EFR3A: variants seen among roughly 807,000 people sequenced by gnomAD.
The protein encoded by EFR3A is EFR3 homolog A, also known as protein EFR3 homolog A.
A neutral mutation model predicts 104.4 loss-of-function variants in EFR3A; 76 were observed. The observed-to-expected ratio is 0.73, with a 90% CI of 0.60 to 0.88. EFR3A has a LOEUF of 0.88. EFR3A is among the 40% of genes least tolerant of loss of function. The pLI is 0.00. For synonymous variants in EFR3A, 330 were observed against 330.0 expected (o/e 1.00, Z 0.00); for missense variants, 985 against 1,012.5 (o/e 0.97, Z 0.37).
chr8:131,928,272 CCTGTTAGAAGAAATCT>C (rs1817404348), intron 1 of EFR3A, among the ~76,000 whole-genome samples: 1 of 152,012 alleles, frequency 6.6e-6, no homozygotes, highest in South Asian at 2.1e-4. Flanking sequence ...AATTCTTGAT[CCTGTTAGAAGAAATCT>C]CTGCTTTTCT....
In EFR3A at chr8:132,013,175, A is replaced by G. The variant is rs1389263034; in HGVS notation, c.*2280A>G. 6.6e-6 allele frequency: 1 copy of G among 152,276 alleles called. No homozygotes were observed. The highest frequency in any genetic ancestry group is 1.5e-5 in the Non-Finnish European group (1 of 68,034). The allele number at this position is 152,276 out of a possible 1,614,324, so 9.4% of individuals were successfully genotyped here. On this transcript the variant is annotated 3_prime_UTR_variant, in exon 23 of 23. Coordinates refer to ENST00000254624, the MANE Select transcript of EFR3A (RefSeq NM_015137.6). ...ATATTTTTGTAGATAAATAAAACTC[A>G]ATAAATTGTTAATCATTCTCTTTTT... is the stretch of plus-strand genomic sequence containing the variant.
intron 1 of EFR3A, among the ~76,000 whole-genome samples, chr8:131,914,489 G>A (rs566473871): frequency 7.2e-5 from 11 of 152,298 alleles, no homozygotes; most frequent in Non-Finnish European, 1.3e-4. Flanking sequence ...CAATCAGTGA[G>A]GGTGGCCCAA....
At chr8:132,005,158 A>C (rs992714797) in intron 22 of EFR3A, among the ~76,000 whole-genome samples, 1 of 152,196 alleles carries the variant, frequency 6.6e-6, no homozygotes, top group African/African-American at 2.4e-5. Flanking sequence ...ACAGACATAC[A>C]TGGAAGTTAG....
chr8:131,959,261 A>C (rs1819182953), intron 7 of EFR3A, among the ~76,000 whole-genome samples: 1 of 152,104 alleles, frequency 6.6e-6, no homozygotes, highest in Admixed American at 6.6e-5. Context: ...TCCTTCATTC[A>C]CCCTCTTTCA....
rs200821953 is a variant in EFR3A at position 132,010,405 on chromosome 8, G to GATATATATATAT, written c.2361-384_2361-383insTATATATATATA. Among the ~76,000 whole-genome samples the GATATATATATAT allele has an allele frequency of 1.3e-3, 116 of 87,990 alleles. 5 individuals are homozygous for GATATATATATAT. Among genetic ancestry groups the GATATATATATAT allele is most frequent in the Middle Eastern group, 6.8e-3 (1 of 148 alleles). The allele number at this position is 87,990 out of a possible 152,430, so 57.7% of individuals were successfully genotyped here. A position where few individuals can be genotyped will look rare whatever the true frequency, so the allele number is the denominator to read the frequency against. On this transcript the variant is annotated intron_variant, in intron 22 of 22. Coordinates refer to ENST00000254624, the MANE Select transcript of EFR3A (RefSeq NM_015137.6). ...TTGTTCTCTGGATTAAATCAAGTAT[G>GATATATATATAT]AGATATATATATATATATATATATA...
rs1177455529 is a variant in EFR3A, at chr8:131,946,608, AG to A, written c.342del (p.Lys114AsnfsTer95). ...AAGCTGCTGGAATCGGGGGAACCAA[AG>A]CTTCAAGTTCTTGGAACAAATTCTG... is the stretch of plus-strand genomic sequence containing the variant. ...VAKLLESGEP[K>X]LQVLGTNSFV... On this transcript the variant is annotated frameshift_variant, in exon 4 of 23. Coordinates refer to ENST00000254624, the MANE Select transcript of EFR3A (RefSeq NM_015137.6). LOFTEE classifies it high-confidence loss of function. The A allele has an allele frequency of 6.2e-7, 1 of 1,603,662 alleles. No individual in the cohort carries two copies. Among genetic ancestry groups the A allele is most frequent in the Non-Finnish European group, 8.5e-7 (1 of 1,175,446 alleles).
At chr8:131,964,879 T>C (rs1004623829) in intron 8 of EFR3A, among the ~76,000 whole-genome samples, 1 of 144,846 alleles carries the variant, frequency 6.9e-6, no homozygotes, top group Non-Finnish European at 1.5e-5. Flanking sequence ...TATAGACCAA[T>C]GGAACAGAAC....
chr8:131,988,239 A>G (rs1312371470), intron 18 of EFR3A, among the ~76,000 whole-genome samples: 1 of 151,984 alleles, frequency 6.6e-6, no homozygotes, highest in Admixed American at 6.6e-5. Context: ...AAAATTGCAT[A>G]GTGTCTTGTA....
At chr8:131,966,423 A>G (rs1040412606) in intron 8 of EFR3A, among the ~76,000 whole-genome samples, 2 of 152,152 alleles carry the variant, frequency 1.3e-5, no homozygotes, top group South Asian at 2.1e-4. Flanking sequence ...TTTTGTCGTC[A>G]TTATTGTTAT....
At chr8:131,919,497 G>T (rs1416168405) in intron 1 of EFR3A, among the ~76,000 whole-genome samples, 1 of 151,308 alleles carries the variant, frequency 6.6e-6, no homozygotes, top group Non-Finnish European at 1.5e-5. Context: ...TCAGGAGGCT[G>T]AGGCAGGAGA....
At chr8:131,998,660 T>C (rs1312763471) in intron 19 of EFR3A, among the ~76,000 whole-genome samples, 1 of 152,092 alleles carries the variant, frequency 6.6e-6, no homozygotes, top group Admixed American at 6.5e-5. Context: ...TTCTAAATAA[T>C]GCATTATTTC....
In EFR3A at chr8:131,955,647, T is replaced by G; in HGVS notation, c.639-121T>G. On this transcript the variant is annotated intron_variant, in intron 6 of 22. Transcript: ENST00000254624. ...TTCATGAAATTAGAATTAAGCTATA[T>G]ATTTTCTGGAGTATAAAAAGAAAAT... is the stretch of plus-strand genomic sequence containing the variant. The G allele has an allele frequency of 4.1e-6, 4 of 982,346 alleles. No individual in the cohort carries two copies. The South Asian group carries it at 7.2e-5, about 18-fold the overall frequency. The allele number at this position is 982,346 out of a possible 1,614,324, so 60.9% of individuals were successfully genotyped here.
chr8:131,972,520 C>T (rs1366504670), intron 10 of EFR3A, among the ~76,000 whole-genome samples: 1 of 151,118 alleles, frequency 6.6e-6, no homozygotes, highest in Non-Finnish European at 1.5e-5. Context: ...CTTAAGAAAA[C>T]AGCCATGAGA....
intron 1 of EFR3A, among the ~76,000 whole-genome samples, chr8:131,922,438 G>A (rs1401837449): frequency 6.6e-6 from 1 of 152,016 alleles, no homozygotes; most frequent in African/African-American, 2.4e-5. Context: ...TACTCAACTA[G>A]TATGTATTCT....
chr8:131,998,724 G>A (rs1194951381), intron 19 of EFR3A, among the ~76,000 whole-genome samples: 1 of 151,928 alleles, frequency 6.6e-6, no homozygotes, highest in Non-Finnish European at 1.5e-5. Flanking sequence ...TTATCATAAA[G>A]CAGTTGATTT....
intron 18 of EFR3A, among the ~76,000 whole-genome samples, chr8:131,989,505 T>C (rs1821058598): frequency 6.6e-6 from 1 of 152,166 alleles, no homozygotes; most frequent in African/African-American, 2.4e-5. Flanking sequence ...CAAATGAGTA[T>C]AGTGAGGCTA....
At chr8:131,935,493 C>T (rs1397898736) in intron 1 of EFR3A, 3 of 447,336 alleles carry the variant, frequency 6.7e-6, no homozygotes, top group East Asian at 7.2e-5. Context: ...ATCGTAGGCA[C>T]TGTCATTTAA....
intron 18 of EFR3A, among the ~76,000 whole-genome samples, chr8:131,992,864 A>G (rs1038352712): frequency 6.6e-5 from 10 of 152,130 alleles, no homozygotes; most frequent in African/African-American, 2.4e-4. Context: ...TTAATTCACA[A>G]GCAGTTTGGG....
intron 1 of EFR3A, among the ~76,000 whole-genome samples, chr8:131,938,849 G>A (rs1818030040): frequency 6.6e-6 from 1 of 152,038 alleles, no homozygotes; most frequent in Non-Finnish European, 1.5e-5. Context: ...TTTATCCAAT[G>A]GAGATGATCA....
Sources: gnomAD v4.1 joint callset for allele counts (sites outside exome capture counted in the v4.1 genomes callset) on GRCh38, gnomAD v4.1.1 for gene constraint, MANE v1.5 for transcripts, NCBI Gene and HGNC (gene_info 2026-07-23, HGNC 2026-07-21) for gene names.